MED13L: variants seen among roughly 807,000 people sequenced by gnomAD.
The protein encoded by MED13L is mediator of RNA polymerase II transcription subunit 13-like.
In MED13L, 7 loss-of-function variants were observed where a neutral mutation model predicts 220.9. The ratio of observed to expected loss-of-function variants is 0.03; its 90% CI spans 0.02 to 0.06. The LOEUF (loss-of-function observed/expected upper bound fraction) is 0.06, where lower values mean the gene tolerates loss of function less well. Among genes scored for constraint, MED13L ranks in the 10% least tolerant of loss-of-function variants. The pLI is 1.00. For missense variants in MED13L, 1,965 were observed against 2,760.5 expected (o/e 0.71, Z 6.46); for synonymous variants, 1,011 against 1,015.2 (o/e 1.00, Z 0.08).
At chr12:116,152,756 C>A (rs1308056809) in intron 2 of MED13L, among the ~76,000 whole-genome samples, 1 of 151,994 alleles carries the variant, frequency 6.6e-6, no homozygotes, top group African/African-American at 2.4e-5. Context: ...TTTAAAAATG[C>A]ATGCTAAAAT....
intron 4 of MED13L, among the ~76,000 whole-genome samples, chr12:116,055,391 T>A (rs1486006408): frequency 6.6e-6 from 1 of 152,188 alleles, no homozygotes; most frequent in Non-Finnish European, 1.5e-5. Context: ...TAGGTGCAAC[T>A]CAGAAGAAAA....
At chr12:116,196,477 GAGATA>G (rs1364941654) in intron 2 of MED13L, among the ~76,000 whole-genome samples, 1 of 152,114 alleles carries the variant, frequency 6.6e-6, no homozygotes, top group Non-Finnish European at 1.5e-5. Context: ...AATGACACAT[GAGATA>G]AGAGTGCTTT....
At chr12:116,179,152 A>G (rs1301536759) in intron 2 of MED13L, among the ~76,000 whole-genome samples, 1 of 152,182 alleles carries the variant, frequency 6.6e-6, no homozygotes, top group Non-Finnish European at 1.5e-5. Flanking sequence ...AATGAATTAA[A>G]TCCAAAGTTA....
intron 4 of MED13L, among the ~76,000 whole-genome samples, chr12:116,045,587 A>C (rs900648450): frequency 2.0e-5 from 3 of 152,208 alleles, no homozygotes; most frequent in Non-Finnish European, 4.4e-5. Context: ...TATGAGTCAC[A>C]GCGTATCTGG....
intron 4 of MED13L, among the ~76,000 whole-genome samples, chr12:116,083,453 T>C (rs1262786311): frequency 7.2e-6 from 1 of 139,856 alleles, no homozygotes; most frequent in Non-Finnish European, 1.5e-5. Flanking sequence ...GTGGACATCA[T>C]CCCTACTCAG....
chr12:116,131,916 G>A (rs569460408), intron 2 of MED13L, among the ~76,000 whole-genome samples: 30 of 152,250 alleles, frequency 2.0e-4, no homozygotes, highest in South Asian at 4.1e-4. Flanking sequence ...TAGGTGGCCA[G>A]AGGTTGCAGT....
At position 115,999,208 on chromosome 12, in the gene MED13L, T is replaced by C. The variant is rs1039175264; in HGVS notation, c.2570-1978A>G. Among the ~76,000 whole-genome samples the C allele has an allele frequency of 3.9e-5, 6 of 151,918 alleles. No homozygotes were observed. In the East Asian group the frequency reaches 7.7e-4, roughly 20 times the overall value. Reference sequence around the variant, plus strand: ...CAGGCAGATCATTTGAGGTCAGGAGTTCGAGACCAATCTGGGCAATATGGC... The same window carrying C: ...CAGGCAGATCATTTGAGGTCAGGAGCTCGAGACCAATCTGGGCAATATGGC... On this transcript the variant is annotated intron_variant, in intron 14 of 30. Coordinates refer to ENST00000281928, the MANE Select transcript of MED13L (RefSeq NM_015335.5).
intron 23 of MED13L, among the ~76,000 whole-genome samples, chr12:115,977,314 A>G (rs1877006723): frequency 6.6e-6 from 1 of 152,226 alleles, no homozygotes; most frequent in Admixed American, 6.5e-5. Context: ...AGACTTTGAA[A>G]ATAATATAAC....
At chr12:116,276,314 G>GTT (rs1194333733) in intron 1 of MED13L, 1 of 285,508 alleles carries the variant, frequency 3.5e-6, no homozygotes, top group African/African-American at 3.1e-5. Context: ...GCTTTTGTGT[G>GTT]TGTGTGTGTG....
At chr12:116,164,243 C>T (rs1186859518) in intron 2 of MED13L, among the ~76,000 whole-genome samples, 9 of 152,140 alleles carry the variant, frequency 5.9e-5, no homozygotes, top group Admixed American at 2.0e-4. Context: ...TAGTTTCTTA[C>T]CACAAAGCTT....
intron 4 of MED13L, among the ~76,000 whole-genome samples, chr12:116,026,032 A>G (rs761794272): frequency 1.1e-4 from 16 of 152,188 alleles, no homozygotes; most frequent in Non-Finnish European, 1.8e-4. Context: ...GAAAGAAAAT[A>G]GGGTTTAATA....
intron 29 of MED13L, among the ~76,000 whole-genome samples, chr12:115,964,999 C>T (rs1478584693): frequency 6.6e-6 from 1 of 152,140 alleles, no homozygotes; most frequent in Non-Finnish European, 1.5e-5. Context: ...AATTCTAATT[C>T]AAAATAAAGA....
In MED13L at chr12:115,980,954, CA is replaced by C. The variant is rs138808854; in HGVS notation, c.5176-17del. Reference sequence around the variant, plus strand: ...AAGGCACAATCTAAAGACACAAATACAAAAAAAAAACAAAAACCAAAAACCT... The same window carrying C: ...AAGGCACAATCTAAAGACACAAATACAAAAAAAAACAAAAACCAAAAACCT... On this transcript the variant is annotated splice_polypyrimidine_tract_variant and intron_variant, in intron 22 of 30. Transcript: ENST00000281928. The C allele has an allele frequency of 4.8e-4, 649 of 1,349,736 alleles. No homozygotes were observed. The highest frequency in any genetic ancestry group is 1.1e-3 in the Middle Eastern group (5 of 4,360). The allele number at this position is 1,349,736 out of a possible 1,614,324, so 83.6% of individuals were successfully genotyped here.
intron 2 of MED13L, among the ~76,000 whole-genome samples, chr12:116,201,710 G>A (rs753729943): frequency 4.6e-5 from 7 of 151,986 alleles, no homozygotes; most frequent in Non-Finnish European, 8.8e-5. Context: ...TTTTTTTCTA[G>A]GAGACCATCC....
chr12:116,066,051 C>T (rs888266771), intron 4 of MED13L, among the ~76,000 whole-genome samples: 5 of 152,226 alleles, frequency 3.3e-5, no homozygotes, highest in South Asian at 2.1e-4. Context: ...ACTGTAAATG[C>T]GTTTGTAAAA....
chr12:115,996,711 T>TA, intron 15 of MED13L, 30 bp from the exon 16 acceptor site: 1 of 1,577,094 alleles, frequency 6.3e-7, no homozygotes, highest in South Asian at 1.1e-5. Flanking sequence ...TCAGTGTTAA[T>TA]ATTGGTAAAC....
intron 9 of MED13L, 136 bp from the exon 10 acceptor site, chr12:116,009,268 A>T (rs528216114): frequency 1.1e-4 from 86 of 787,998 alleles, no homozygotes; most frequent in Non-Finnish European, 1.6e-4. Context: ...ATACTTATAT[A>T]ACTAAAAAAC....
At chr12:116,104,434 A>G (rs1355042284) in intron 3 of MED13L, among the ~76,000 whole-genome samples, 3 of 152,190 alleles carry the variant, frequency 2.0e-5, no homozygotes, top group African/African-American at 7.2e-5. Flanking sequence ...TTTTCCCCAC[A>G]TTATTTTCAC....
At chr12:116,242,179 G>GGATT (rs944663321) in intron 1 of MED13L, among the ~76,000 whole-genome samples, 5 of 151,528 alleles carry the variant, frequency 3.3e-5, no homozygotes, top group Non-Finnish European at 2.9e-5. Flanking sequence ...CAAGTAGGTG[G>GGATT]GATTACAGGT....
Sources: gnomAD v4.1 joint callset for allele counts (sites outside exome capture counted in the v4.1 genomes callset) on GRCh38, gnomAD v4.1.1 for gene constraint, MANE v1.5 for transcripts, NCBI Gene and HGNC (gene_info 2026-07-23, HGNC 2026-07-21) for gene names.